CTNNA2: variants seen among roughly 807,000 people sequenced by gnomAD.
The protein encoded by CTNNA2 is catenin alpha-2.
Under a neutral mutation model 101.0 loss-of-function variants are expected in CTNNA2, and 42 were observed. That is an observed-to-expected ratio of 0.42 (90% CI 0.32 to 0.54). The LOEUF (loss-of-function observed/expected upper bound fraction) is 0.54, where lower values mean the gene tolerates loss of function less well. CTNNA2 is among the 20% of genes least tolerant of loss of function. CTNNA2 has a pLI of 0.14. For missense variants in CTNNA2, 871 were observed against 1,223.1 expected, an observed-to-expected ratio of 0.71 and a Z score of 4.29; for synonymous variants, 450 against 456.4, an observed-to-expected ratio of 0.99 and a Z score of 0.18.
chr2:80,549,943 G>GT (rs1416770137), intron 11 of CTNNA2, among the ~76,000 whole-genome samples: 1 of 152,050 alleles, frequency 6.6e-6, no homozygotes, highest in African/African-American at 2.4e-5. Flanking sequence ...AAGGCACAGG[G>GT]TATGGGGGTG....
At chr2:79,232,541 T>G (rs1674505635) in intron 2 of CTNNA2, among the ~76,000 whole-genome samples, 1 of 152,252 alleles carries the variant, frequency 6.6e-6, no homozygotes, top group Non-Finnish European at 1.5e-5. Context: ...ATCAGAATGA[T>G]GCTGGCTTTA....
At chr2:79,360,232 G>A (rs189405467) in intron 3 of CTNNA2, among the ~76,000 whole-genome samples, 1 of 152,234 alleles carries the variant, frequency 6.6e-6, no homozygotes, top group African/African-American at 2.4e-5. Flanking sequence ...GGAAAGTTCA[G>A]AAGAAGAAAA....
intron 7 of CTNNA2, among the ~76,000 whole-genome samples, chr2:80,154,763 A>G (rs1161240076): frequency 6.6e-6 from 1 of 152,194 alleles, no homozygotes; most frequent in East Asian, 1.9e-4. Flanking sequence ...TTATCAGCCC[A>G]GATCTCCAGG....
intron 1 of CTNNA2, among the ~76,000 whole-genome samples, chr2:79,188,463 A>C (rs1441461692): frequency 6.6e-6 from 1 of 152,230 alleles, no homozygotes; most frequent in Non-Finnish European, 1.5e-5. Context: ...CCACTAGCAC[A>C]GTTAGCACAG....
rs541235661 is a variant in CTNNA2 at position 80,234,223 on chromosome 2, G to A, written c.1057-158988G>A. Among the ~76,000 whole-genome samples the A allele has an allele frequency of 2.6e-5, 4 of 152,202 alleles. No individual in the cohort carries two copies. The South Asian group carries it at 8.3e-4, about 32-fold the overall frequency. On this transcript the variant is annotated intron_variant, in intron 7 of 18. Coordinates refer to ENST00000402739, the MANE Select transcript of CTNNA2 (RefSeq NM_001282597.3). ...ATTTTTGTATTTTTAGTAGACACAG[G>A]GTTTTGCCATGTTGGCCAGGCTGGT...
chr2:80,530,293 A>G (rs1222539154), intron 9 of CTNNA2, among the ~76,000 whole-genome samples: 1 of 152,144 alleles, frequency 6.6e-6, no homozygotes, highest in Non-Finnish European at 1.5e-5. Flanking sequence ...TAGATTTCAG[A>G]GCTGAGCAAG....
At chr2:79,408,317 A>G (rs1195933870) in intron 4 of CTNNA2, among the ~76,000 whole-genome samples, 2 of 148,434 alleles carry the variant, frequency 1.3e-5, no homozygotes, top group African/African-American at 4.9e-5. Context: ...TATTATTATT[A>G]TAATACTTTA....
intron 2 of CTNNA2, among the ~76,000 whole-genome samples, chr2:79,686,229 T>A (rs1278503642): frequency 6.6e-6 from 1 of 152,102 alleles, no homozygotes; most frequent in East Asian, 1.9e-4. Context: ...CTAAGGAGAT[T>A]GGACTTTATT....
chr2:79,853,380 C>A (rs528745182), intron 3 of CTNNA2, among the ~76,000 whole-genome samples: 1 of 152,258 alleles, frequency 6.6e-6, no homozygotes, highest in South Asian at 2.1e-4. Context: ...GAGTTAAATC[C>A]TCTTCAGCCT....
chr2:79,216,081 C>T (rs1031892634), intron 2 of CTNNA2, among the ~76,000 whole-genome samples: 1 of 151,928 alleles, frequency 6.6e-6, no homozygotes, highest in African/African-American at 2.4e-5. Context: ...GGACCATTTG[C>T]CTATTTTACG....
At chr2:79,475,059 A>G (rs111833368) in intron 4 of CTNNA2, among the ~76,000 whole-genome samples, 3,724 of 152,264 alleles carry the variant, frequency 0.024, 59 homozygotes, top group Non-Finnish European at 0.04. Context: ...TACATAGAAC[A>G]AAAGTTATCT....
chr2:79,224,713 C>T (rs1343268930), intron 2 of CTNNA2, among the ~76,000 whole-genome samples: 1 of 151,864 alleles, frequency 6.6e-6, no homozygotes, highest in Non-Finnish European at 1.5e-5. Flanking sequence ...ACTGTCAACC[C>T]AACGAGTCTC....
chr2:80,470,946 G>A (rs1257634175), intron 9 of CTNNA2, among the ~76,000 whole-genome samples: 3 of 152,142 alleles, frequency 2.0e-5, no homozygotes, highest in Non-Finnish European at 2.9e-5. Flanking sequence ...GGGAGAGGAG[G>A]CAGCCATGCA....
chr2:80,526,589 T>C (rs1194501806), intron 9 of CTNNA2, among the ~76,000 whole-genome samples: 16 of 152,116 alleles, frequency 1.1e-4, no homozygotes, highest in Non-Finnish European at 1.0e-4. Context: ...CACATCAGCC[T>C]CCCAAAGTGC....
chr2:79,879,300 G>A (rs1423823973), intron 6 of CTNNA2, among the ~76,000 whole-genome samples: 1 of 151,914 alleles, frequency 6.6e-6, no homozygotes, highest in Non-Finnish European at 1.5e-5. Context: ...GCTATACGGG[G>A]TCTTCTTTAA....
At chr2:79,427,402 AC>A (rs748623869) in intron 4 of CTNNA2, among the ~76,000 whole-genome samples, 3 of 151,898 alleles carry the variant, frequency 2.0e-5, no homozygotes. Flanking sequence ...GTAATATGTT[AC>A]TAAAAAAACT....
At chr2:80,544,842 A>G (rs1691899871) in intron 9 of CTNNA2, 140 bp from the exon 10 acceptor site, 5 of 665,226 alleles carry the variant, frequency 7.5e-6, no homozygotes, top group Admixed American at 3.1e-5. Context: ...TTGGTTCTAC[A>G]TGAAGGCCAG....
At chr2:79,364,875 A>G (rs1677709954) in intron 3 of CTNNA2, among the ~76,000 whole-genome samples, 1 of 152,162 alleles carries the variant, frequency 6.6e-6, no homozygotes, top group Non-Finnish European at 1.5e-5. Context: ...AATTTTGTAT[A>G]TTTTTTGTTT....
chr2:79,541,242 A>C (rs1573293316), intron 1 of CTNNA2, among the ~76,000 whole-genome samples: 1 of 151,452 alleles, frequency 6.6e-6, no homozygotes, highest in Non-Finnish European at 1.5e-5. Context: ...ACACAAGAAT[A>C]ATTTTTCAAA....
Sources: gnomAD v4.1 joint callset for allele counts (sites outside exome capture counted in the v4.1 genomes callset) on GRCh38, gnomAD v4.1.1 for gene constraint, MANE v1.5 for transcripts, NCBI Gene and HGNC (gene_info 2026-07-23, HGNC 2026-07-21) for gene names.